Variants in PABPC4L observed in about 807,000 individuals in gnomAD.
PABPC4L encodes poly(A) binding protein cytoplasmic 4 like, also known as polyadenylate-binding protein 4-like.
For missense variants in PABPC4L, 452 were observed against 451.4 expected, an observed-to-expected ratio of 1.00 and a Z score of -0.01; for synonymous variants, 169 against 164.1, an observed-to-expected ratio of 1.03 and a Z score of -0.23.
At chr4:134,110,559 TTGTGTGTGTG>T in the PABPC4L span, among the ~76,000 whole-genome samples, 5,351 of 144,666 alleles carry the variant, frequency 0.037, 160 homozygotes, top group African/African-American at 0.075. Flanking sequence ...TCTCTCTGTC[TTGTGTGTGTG>T]TGTGTGTGTG....
At chr4:134,009,690 C>A in the PABPC4L span, among the ~76,000 whole-genome samples, 1 of 151,900 alleles carries the variant, frequency 6.6e-6, no homozygotes, top group Admixed American at 6.6e-5. Context: ...CTGAGAAATT[C>A]ATTGAACTAG....
At chr4:133,960,855 C>G in the PABPC4L span, among the ~76,000 whole-genome samples, 16 of 152,118 alleles carry the variant, frequency 1.1e-4, no homozygotes, top group African/African-American at 3.9e-4. Flanking sequence ...CCTAGGTACA[C>G]AACTCCATTG....
the PABPC4L span, among the ~76,000 whole-genome samples, chr4:134,109,634 A>T: frequency 6.6e-6 from 1 of 152,168 alleles, no homozygotes; most frequent in East Asian, 1.9e-4. Context: ...TGATAAAAAA[A>T]TTAATAAAAA....
chr4:133,967,968 T>C, the PABPC4L span, among the ~76,000 whole-genome samples: 3,022 of 152,292 alleles, frequency 0.02, 90 homozygotes, highest in African/African-American at 0.066. Flanking sequence ...CTGAGTTTAA[T>C]ATAAAGTGAG....
the PABPC4L span, among the ~76,000 whole-genome samples, chr4:133,986,399 A>G: frequency 6.6e-6 from 1 of 152,100 alleles, no homozygotes; most frequent in African/African-American, 2.4e-5. Context: ...ACTTTACACT[A>G]CAAGTTAGAA....
At chr4:134,040,716 A>G in the PABPC4L span, among the ~76,000 whole-genome samples, 1 of 152,202 alleles carries the variant, frequency 6.6e-6, no homozygotes, top group Non-Finnish European at 1.5e-5. Context: ...AAAAGCCAAA[A>G]TTGACAAATG....
At position 134,198,988 on chromosome 4, in the gene PABPC4L, C is replaced by G. The variant is rs901863442; in HGVS notation, c.*919G>C. ...TGAACCCTAAGAGAAAATCACTACA[C>G]AAAACAATATAAAAGAGATTTTAAA... On this transcript the variant is annotated 3_prime_UTR_variant, in exon 2 of 2. Coordinates refer to ENST00000421491, the MANE Select transcript of PABPC4L (RefSeq NM_001114734.2). 1 of 151,830 alleles carries G rather than the reference C, an allele frequency of 6.6e-6. No homozygotes were observed. Among genetic ancestry groups the G allele is most frequent in the African/African-American group, 2.4e-5 (1 of 41,398 alleles). 9.4% of individuals were successfully genotyped at this position (151,830 alleles called of 1,614,324 possible).
At chr4:134,039,678 A>G in the PABPC4L span, among the ~76,000 whole-genome samples, 1 of 152,000 alleles carries the variant, frequency 6.6e-6, no homozygotes, top group African/African-American at 2.4e-5. Flanking sequence ...TGCTTGGTAA[A>G]TATTCCTCTA....
the PABPC4L span, among the ~76,000 whole-genome samples, chr4:134,134,888 T>A: frequency 6.6e-6 from 1 of 151,914 alleles, no homozygotes; most frequent in Non-Finnish European, 1.5e-5. Context: ...GAACCCAGTA[T>A]AACAGAGTGG....
the PABPC4L span, among the ~76,000 whole-genome samples, chr4:133,974,532 A>T: frequency 1.3e-5 from 2 of 152,116 alleles, no homozygotes; most frequent in Non-Finnish European, 2.9e-5. Flanking sequence ...ATTGGGCCTG[A>T]CCAAAACTAA....
At chr4:134,010,129 T>C in the PABPC4L span, among the ~76,000 whole-genome samples, 1 of 152,082 alleles carries the variant, frequency 6.6e-6, no homozygotes, top group South Asian at 2.1e-4. Context: ...CTTCATTTTA[T>C]ACAGGCAAGT....
the PABPC4L span, among the ~76,000 whole-genome samples, chr4:133,989,219 C>T: frequency 6.6e-6 from 1 of 152,168 alleles, no homozygotes; most frequent in Non-Finnish European, 1.5e-5. Flanking sequence ...TTCGACTCCT[C>T]ATTGCTTATG....
the PABPC4L span, among the ~76,000 whole-genome samples, chr4:134,127,425 G>C: frequency 1.3e-5 from 2 of 152,234 alleles, no homozygotes; most frequent in East Asian, 3.9e-4. Flanking sequence ...CTCCACCAGA[G>C]TAGGTGCTGG....
chr4:134,005,020 G>A, the PABPC4L span, among the ~76,000 whole-genome samples: 2 of 151,734 alleles, frequency 1.3e-5, no homozygotes, highest in East Asian at 3.9e-4. Context: ...TTAGACAAGA[G>A]AAATAAATTC....
At chr4:133,985,920 T>C in the PABPC4L span, among the ~76,000 whole-genome samples, 1 of 152,086 alleles carries the variant, frequency 6.6e-6, no homozygotes, top group Non-Finnish European at 1.5e-5. Context: ...TGCAAGTGAC[T>C]TGATTCCAGA....
the PABPC4L span, among the ~76,000 whole-genome samples, chr4:134,172,868 G>A: frequency 1.3e-5 from 2 of 151,830 alleles, no homozygotes; most frequent in Non-Finnish European, 2.9e-5. Context: ...CACATTACCT[G>A]ACTTCAAATT....
At chr4:133,979,483 G>A in the PABPC4L span, among the ~76,000 whole-genome samples, 1 of 152,100 alleles carries the variant, frequency 6.6e-6, no homozygotes, top group Non-Finnish European at 1.5e-5. Flanking sequence ...TTCTAGTCCT[G>A]GCAAGGGATG....
chr4:134,093,251 T>C, the PABPC4L span, among the ~76,000 whole-genome samples: 1 of 151,810 alleles, frequency 6.6e-6, no homozygotes, highest in Admixed American at 6.6e-5. Context: ...ATCATTTTGC[T>C]TTATTTCTGG....
chr4:134,027,047 C>A, the PABPC4L span, among the ~76,000 whole-genome samples: 1 of 152,070 alleles, frequency 6.6e-6, no homozygotes, highest in Non-Finnish European at 1.5e-5. Context: ...AACTAATATA[C>A]CCTGTTACTT....
Sources: gnomAD v4.1 joint callset for allele counts (sites outside exome capture counted in the v4.1 genomes callset) on GRCh38, gnomAD v4.1.1 for gene constraint, MANE v1.5 for transcripts, NCBI Gene and HGNC (gene_info 2026-07-23, HGNC 2026-07-21) for gene names.